The following TLX2 variants were observed in gnomAD, a reference collection of about 807,000 sequenced individuals.
TLX2 encodes T-cell leukemia homeobox protein 2.
A neutral mutation model predicts 21.7 loss-of-function variants in TLX2; 15 were observed. The observed-to-expected ratio is 0.69, with a 90% CI of 0.46 to 1.07. TLX2 has a LOEUF of 1.07. TLX2 is among the 50% of genes least tolerant of loss of function. TLX2 has a pLI of 0.00. For missense variants in TLX2, 384 were observed against 409.1 expected (o/e 0.94, Z 0.53); for synonymous variants, 213 against 193.1 (o/e 1.10, Z -0.85).
rs774005867 is a variant in TLX2 at position 74,515,963 on chromosome 2, C to G, written c.639-10C>G. ...GGGCGCCCCGCTGACCCCGCGTCTC[C>G]CTCCCTTAGGCGCCAGACGGCGGAG... On this transcript the variant is annotated splice_polypyrimidine_tract_variant and intron_variant, in intron 2 of 2. Coordinates refer to ENST00000233638, the MANE Select transcript of TLX2 (RefSeq NM_016170.5). This position sits in a 1 kb window ranked among gnomAD's most constrained non-coding sequence, Gnocchi z 6.6. 5.4e-6 allele frequency: 8 copies of G among 1,473,694 alleles called. No homozygotes were observed. In the Admixed American group the frequency reaches 1.8e-4, roughly 33 times the overall value. 91.3% of individuals were successfully genotyped at this position (1,473,694 alleles called of 1,614,324 possible).
rs1157932704 is a variant in TLX2 at position 74,514,972 on chromosome 2, G to A, written c.166G>A (p.Gly56Arg). 2 of 1,569,270 alleles carry A rather than the reference G, an allele frequency of 1.3e-6. No homozygotes were observed. The highest frequency in any genetic ancestry group is 1.4e-5 in the African/African-American group (1 of 71,842). Residue 56 changes from glycine (G) to arginine (R), a missense_variant, in exon 1 of 3, where the codon GGA (glycine) becomes AGA (arginine). Gly to Arg is a moderately radical substitution (Grantham distance 125). Transcript: ENST00000233638. The surrounding 1 kb of genome is among the most constrained non-coding windows in gnomAD (Gnocchi z 5.0). ...TGGGGCGTTCTCGGGTGGATACCAC[G>A]GAGCCTCGGGCTACGGTCCCGCCGG... is the stretch of plus-strand genomic sequence containing the variant. Reference protein sequence around the residue: ...ENGAFSGGYHGASGYGPAGSL... With the variant: ...ENGAFSGGYHRASGYGPAGSL...
In TLX2 at chr2:74,514,577, TC is replaced by T. The variant is rs1674831205; in HGVS notation, c.-225del. On this transcript the variant is annotated 5_prime_UTR_variant, in exon 1 of 3. Transcript: ENST00000233638. The surrounding 1 kb of genome is among the most constrained non-coding windows in gnomAD (Gnocchi z 5.0). ...CTCCAGGGGCCCCAGCTGGCCGTGC[TC>T]CCCCGGGATGCAAGTCCCTGCGCTG... 11 of 1,401,046 alleles carry T rather than the reference TC, an allele frequency of 7.9e-6. No individual in the cohort carries two copies. Among genetic ancestry groups the T allele is most frequent in the African/African-American group, 1.5e-5 (1 of 65,972 alleles). 86.8% of individuals were successfully genotyped at this position (1,401,046 alleles called of 1,614,324 possible).
chr2:74,515,034 C>T lies in TLX2; in HGVS notation c.228C>T (p.Gly76=), dbSNP rs775801923. 6 of 1,522,240 alleles carry T rather than the reference C, an allele frequency of 3.9e-6. No individual in the cohort carries two copies. The highest frequency in any genetic ancestry group is 1.2e-5 in the South Asian group (1 of 81,266). The allele number at this position is 1,522,240 out of a possible 1,614,324, so 94.3% of individuals were successfully genotyped here. A position where few individuals can be genotyped will look rare whatever the true frequency, so the allele number is the denominator to read the frequency against. Residue 76 remains glycine, a synonymous_variant, in exon 1 of 3, where the codon GGC becomes GGT. Transcript: ENST00000233638. This position sits in a 1 kb window ranked among gnomAD's most constrained non-coding sequence, Gnocchi z 6.6. ...LAPLPGSSGV[G]PGGVIRVPAH... is the part of the protein sequence containing the mutation. ...CGCTGCCCGGCAGCTCCGGAGTGGGCCCAGGCGGCGTGATCCGCGTCCCTG... is the reference window on the plus strand; with the variant it reads ...CGCTGCCCGGCAGCTCCGGAGTGGGTCCAGGCGGCGTGATCCGCGTCCCTG...
In TLX2 at chr2:74,515,427, G is replaced by A. The variant is rs1283089162; in HGVS notation, c.401-206G>A. On this transcript the variant is annotated intron_variant, in intron 1 of 2. Coordinates refer to ENST00000233638, the MANE Select transcript of TLX2 (RefSeq NM_016170.5). This position sits in a 1 kb window ranked among gnomAD's most constrained non-coding sequence, Gnocchi z 6.6. ...TCCTCTGTAGTCCCACTGTCCACGC[G>A]TGGGGAGGGGAGGGTGAAGTTACAG... Among the ~76,000 whole-genome samples the A allele has an allele frequency of 6.6e-6, 1 of 152,086 alleles. No homozygotes were observed. Among genetic ancestry groups the A allele is most frequent in the Non-Finnish European group, 1.5e-5 (1 of 67,992 alleles).
In TLX2 at chr2:74,515,091, T is replaced by C. The variant is rs750123467; in HGVS notation, c.285T>C (p.Ala95=). 2.6e-6 allele frequency: 4 copies of C among 1,525,450 alleles called. No individual in the cohort carries two copies. In the South Asian group the frequency reaches 4.9e-5, roughly 19 times the overall value. The allele number at this position is 1,525,450 out of a possible 1,614,324, so 94.5% of individuals were successfully genotyped here. Residue 95 remains alanine, a synonymous_variant, in exon 1 of 3, where the codon GCT becomes GCC. Transcript: ENST00000233638. The surrounding 1 kb of genome is among the most constrained non-coding windows in gnomAD (Gnocchi z 6.6). The stretch of plus-strand genomic sequence containing the variant: ...GCCCGCTGCCTGTGCCGCCGCCCGC[T>C]GGGGGGGCGCCTGCAGTGCCTGGGC... ...AHRPLPVPPP[A]GGAPAVPGPS... is the part of the protein sequence containing the mutation.
chr2:74,516,202 C>A lies in TLX2; in HGVS notation c.*13C>A. ...CTCGGTGGTGTGAGCGACGCCCGTCCGATCGGCGTGGAGCGCCGGGCCCGG... is the reference window on the plus strand; with the variant it reads ...CTCGGTGGTGTGAGCGACGCCCGTCAGATCGGCGTGGAGCGCCGGGCCCGG... On this transcript the variant is annotated 3_prime_UTR_variant, in exon 3 of 3. Coordinates refer to ENST00000233638, the MANE Select transcript of TLX2 (RefSeq NM_016170.5). The A allele has an allele frequency of 6.2e-7, 1 of 1,605,462 alleles. No homozygotes were observed. The highest frequency in any genetic ancestry group is 8.5e-7 in the Non-Finnish European group (1 of 1,177,016).
chr2:74,516,491 G>GCGGGAC lies in TLX2; in HGVS notation c.*303_*304insGGGACC. On this transcript the variant is annotated 3_prime_UTR_variant, in exon 3 of 3. Transcript: ENST00000233638. Reference sequence around the variant, plus strand: ...CAATGAGGTGCGGGGAGGGGGCCGGGCTGGCCAATGGGAGCTGCTTTCCTG... The same window carrying GCGGGAC: ...CAATGAGGTGCGGGGAGGGGGCCGGGCGGGACCTGGCCAATGGGAGCTGCTTTCCTG... 7.8e-7 allele frequency: 1 copy of GCGGGAC among 1,273,968 alleles called. No individual in the cohort carries two copies. Among genetic ancestry groups the GCGGGAC allele is most frequent in the Non-Finnish European group, 1.0e-6 (1 of 1,001,304 alleles). 78.9% of individuals were successfully genotyped at this position (1,273,968 alleles called of 1,614,324 possible).
chr2:74,514,753 T>C lies in TLX2; in HGVS notation c.-54T>C. ...CCGCCGCTGGGCTTCTGGCGCTGCCTGAGGCATCCTCCCCAACCACCGAAC... is the reference window on the plus strand; with the variant it reads ...CCGCCGCTGGGCTTCTGGCGCTGCCCGAGGCATCCTCCCCAACCACCGAAC... On this transcript the variant is annotated 5_prime_UTR_variant, in exon 1 of 3. Transcript: ENST00000233638. The surrounding 1 kb of genome is among the most constrained non-coding windows in gnomAD (Gnocchi z 5.0). 27 of 1,607,728 alleles carry C rather than the reference T, an allele frequency of 1.7e-5. No homozygotes were observed. Among genetic ancestry groups the C allele is most frequent in the Non-Finnish European group, 2.2e-5 (26 of 1,177,760 alleles).
Position 74,514,581 on chromosome 2 carries a change from C to G in TLX2, c.-226C>G, listed in dbSNP as rs1358281475. On this transcript the variant is annotated 5_prime_UTR_variant, in exon 1 of 3. Coordinates refer to ENST00000233638, the MANE Select transcript of TLX2 (RefSeq NM_016170.5). This position sits in a 1 kb window ranked among gnomAD's most constrained non-coding sequence, Gnocchi z 5.0. ...AGGGGCCCCAGCTGGCCGTGCTCCC[C>G]CGGGATGCAAGTCCCTGCGCTGACG... is the stretch of plus-strand genomic sequence containing the variant. 2 of 1,406,754 alleles carry G rather than the reference C, an allele frequency of 1.4e-6. No homozygotes were observed. The highest frequency in any genetic ancestry group is 5.6e-5 in the East Asian group (2 of 35,682). The allele number at this position is 1,406,754 out of a possible 1,614,324, so 87.1% of individuals were successfully genotyped here.
At position 74,515,815 on chromosome 2, in the gene TLX2, C is replaced by T. The variant is rs140224606; in HGVS notation, c.583C>T (p.Arg195Cys). The change falls in exon 2 of 3, where the codon CGC (arginine) becomes TGC (cysteine). Residue 195 changes from arginine to cysteine, a missense_variant. Arg to Cys is a radical substitution (Grantham distance 180). Coordinates refer to ENST00000233638, the MANE Select transcript of TLX2 (RefSeq NM_016170.5). This position sits in a 1 kb window ranked among gnomAD's most constrained non-coding sequence, Gnocchi z 6.6. ...GAGGGCGGCGCTGGCCAAGGCCTTGCGCATGACCGACGCACAGGTCAAAAC... is the reference window on the plus strand; with the variant it reads ...GAGGGCGGCGCTGGCCAAGGCCTTGTGCATGACCGACGCACAGGTCAAAAC... ...AERAALAKAL[R>C]MTDAQVKTWF... 1 of 1,612,656 alleles carries T rather than the reference C, an allele frequency of 6.2e-7. No homozygotes were observed. The highest frequency in any genetic ancestry group is 8.5e-7 in the Non-Finnish European group (1 of 1,179,752).
Position 74,514,769 on chromosome 2 carries a change from A to G in TLX2, c.-38A>G. On this transcript the variant is annotated 5_prime_UTR_variant, in exon 1 of 3. Transcript: ENST00000233638. The surrounding 1 kb of genome is among the most constrained non-coding windows in gnomAD (Gnocchi z 5.0). ...GGCGCTGCCTGAGGCATCCTCCCCA[A>G]CCACCGAACCTCCGGCGGTTCTCCT... 3 of 1,610,720 alleles carry G rather than the reference A, an allele frequency of 1.9e-6. No homozygotes were observed. The highest frequency in any genetic ancestry group is 8.5e-7 in the Non-Finnish European group (1 of 1,178,982).
At position 74,515,337 on chromosome 2, in the gene TLX2, C is replaced by T. The variant is rs1477184367; in HGVS notation, c.400+131C>T. 1 of 1,501,942 alleles carries T rather than the reference C, an allele frequency of 6.7e-7. No individual in the cohort carries two copies. The highest frequency in any genetic ancestry group is 2.5e-5 in the East Asian group (1 of 40,008). 93.0% of individuals were successfully genotyped at this position (1,501,942 alleles called of 1,614,324 possible). A position where few individuals can be genotyped will look rare whatever the true frequency, so the allele number is the denominator to read the frequency against. ...ATCCTCCCAGGGGATCCTCCCCCAA[C>T]TCAAATCTCTGGGTCCTGCCTCCGA... is the stretch of plus-strand genomic sequence containing the variant. On this transcript the variant is annotated intron_variant, in intron 1 of 2. Coordinates refer to ENST00000233638, the MANE Select transcript of TLX2 (RefSeq NM_016170.5). This position sits in a 1 kb window ranked among gnomAD's most constrained non-coding sequence, Gnocchi z 6.6.
Position 74,516,363 on chromosome 2 carries a change from G to C in TLX2, c.*174G>C, listed in dbSNP as rs910828053. 7.3e-5 allele frequency: 111 copies of C among 1,510,598 alleles called. No homozygotes were observed. The highest frequency in any genetic ancestry group is 9.7e-5 in the Non-Finnish European group (110 of 1,134,366). 93.6% of individuals were successfully genotyped at this position (1,510,598 alleles called of 1,614,324 possible). ...CCAAGCCAGCGTTGCGCAGATGCACGGCCAGCTCAGAGGCGGCCTTTCCCG... is the reference window on the plus strand; with the variant it reads ...CCAAGCCAGCGTTGCGCAGATGCACCGCCAGCTCAGAGGCGGCCTTTCCCG... On this transcript the variant is annotated 3_prime_UTR_variant, in exon 3 of 3. Transcript: ENST00000233638.
At position 74,515,975 on chromosome 2, in the gene TLX2, G is replaced by A. The variant is rs1448042026; in HGVS notation, c.641G>A (p.Arg214His). The A allele has an allele frequency of 1.4e-6, 2 of 1,465,864 alleles. No homozygotes were observed. The highest frequency in any genetic ancestry group is 2.7e-5 in the Admixed American group (1 of 37,300). 90.8% of individuals were successfully genotyped at this position (1,465,864 alleles called of 1,614,324 possible). Residue 214 changes from arginine to histidine, a missense_variant and splice_region_variant, in exon 3 of 3, where the codon CGC becomes CAC. By Grantham distance (29) the Arg-to-His change is conservative (BLOSUM62 0). Transcript: ENST00000233638. The surrounding 1 kb of genome is among the most constrained non-coding windows in gnomAD (Gnocchi z 6.6). ...GACCCCGCGTCTCCCTCCCTTAGGC[G>A]CCAGACGGCGGAGGAGCGCGAGGCC... is the stretch of plus-strand genomic sequence containing the variant. The part of the protein sequence containing the change: ...WFQNRRTKWR[R>H]QTAEEREAER...
Position 74,515,746 on chromosome 2 carries a change from T to C in TLX2, c.514T>C (p.Leu172=), listed in dbSNP as rs780274101. 2 of 1,613,284 alleles carry C rather than the reference T, an allele frequency of 1.2e-6. No homozygotes were observed. The highest frequency in any genetic ancestry group is 2.2e-5 in the East Asian group (1 of 44,880). Residue 172 remains leucine (L), a synonymous_variant, in exon 2 of 3, where the codon TTG becomes CTG. Coordinates refer to ENST00000233638, the MANE Select transcript of TLX2 (RefSeq NM_016170.5). This position sits in a 1 kb window ranked among gnomAD's most constrained non-coding sequence, Gnocchi z 6.6. ...CTTCTCCCGCTCACAGGTGCTGGAG[T>C]TGGAGCGGCGCTTCCTGCGCCAGAA... The part of the protein sequence containing the change: ...TSFSRSQVLE[L]ERRFLRQKYL...
chr2:74,516,219 CG>C lies in TLX2; in HGVS notation c.*33del. 2 of 1,597,142 alleles carry C rather than the reference CG, an allele frequency of 1.3e-6. No individual in the cohort carries two copies. The highest frequency in any genetic ancestry group is 1.7e-6 in the Non-Finnish European group (2 of 1,173,622). The stretch of plus-strand genomic sequence containing the variant: ...CGCCCGTCCGATCGGCGTGGAGCGC[CG>C]GGCCCGGAGCGGTGGAGCGCGCGGC... On this transcript the variant is annotated 3_prime_UTR_variant, in exon 3 of 3. Transcript: ENST00000233638.
Position 74,515,576 on chromosome 2 carries a change from C to A in TLX2, c.401-57C>A. The stretch of plus-strand genomic sequence containing the variant: ...GGCCTGGACAGCCGCGCGGCCTTCT[C>A]AGTGGCACCTCGGGCCACCCTGCAA... On this transcript the variant is annotated intron_variant, in intron 1 of 2. Transcript: ENST00000233638. This position sits in a 1 kb window ranked among gnomAD's most constrained non-coding sequence, Gnocchi z 6.6. 6.6e-7 allele frequency: 1 copy of A among 1,524,210 alleles called. No homozygotes were observed. The highest frequency in any genetic ancestry group is 1.2e-5 in the South Asian group (1 of 82,610). The allele number at this position is 1,524,210 out of a possible 1,614,324, so 94.4% of individuals were successfully genotyped here. A position where few individuals can be genotyped will look rare whatever the true frequency, so the allele number is the denominator to read the frequency against.
chr2:74,516,399 C>G lies in TLX2; in HGVS notation c.*210C>G. The G allele has an allele frequency of 6.8e-7, 1 of 1,462,932 alleles. No homozygotes were observed. Among genetic ancestry groups the G allele is most frequent in the African/African-American group, 1.4e-5 (1 of 69,742 alleles). The allele number at this position is 1,462,932 out of a possible 1,614,324, so 90.6% of individuals were successfully genotyped here. ...AGGCGGCCTTTCCCGCCATTTTTCA[C>G]TTCACTGCCGTTACGCCCTCGCTGG... On this transcript the variant is annotated 3_prime_UTR_variant, in exon 3 of 3. Transcript: ENST00000233638.
In TLX2 at chr2:74,514,557, G is replaced by A; in HGVS notation, c.-250G>A. On this transcript the variant is annotated 5_prime_UTR_variant, in exon 1 of 3. Transcript: ENST00000233638. This position sits in a 1 kb window ranked among gnomAD's most constrained non-coding sequence, Gnocchi z 5.0. ...CTTAAGAGCCAGCAAGGAAGCTCCA[G>A]GGGCCCCAGCTGGCCGTGCTCCCCC... 1.4e-6 allele frequency: 2 copies of A among 1,391,984 alleles called. No homozygotes were observed. Among genetic ancestry groups the A allele is most frequent in the South Asian group, 1.5e-5 (1 of 64,998 alleles). The allele number at this position is 1,391,984 out of a possible 1,614,324, so 86.2% of individuals were successfully genotyped here.
Sources: allele counts gnomAD v4.1 joint callset (sites outside exome capture counted in the v4.1 genomes callset), GRCh38; gene constraint gnomAD v4.1.1; non-coding constraint Gnocchi (gnomAD v3.1); transcripts MANE v1.5; gene names NCBI Gene and HGNC (gene_info 2026-07-23, HGNC 2026-07-21).